The following PILRB variants were observed in gnomAD, a reference collection of about 807,000 sequenced individuals.
PILRB encodes the protein paired immunoglobin like type 2 receptor beta.
In PILRB, 21 loss-of-function variants were observed where a neutral mutation model predicts 20.5. That is an observed-to-expected ratio of 1.02 (90% CI 0.72 to 1.47). The LOEUF is 1.47. PILRB is among the 40% of genes most tolerant of loss of function. PILRB has a pLI of 0.00. For missense variants in PILRB, 253 were observed against 272.1 expected, an observed-to-expected ratio of 0.93 and a Z score of 0.49; for synonymous variants, 133 against 115.1, an observed-to-expected ratio of 1.16 and a Z score of -0.99.
chr7:100,364,175 C>T (rs543704972), intron 3 of PILRB, among the ~76,000 whole-genome samples: 1 of 151,654 alleles, frequency 6.6e-6, no homozygotes, highest in East Asian at 1.9e-4. Flanking sequence ...TAAACCCTCA[C>T]ATAGATAGTC....
At chr7:100,365,409 T>C (rs188811165) in intron 3 of PILRB, among the ~76,000 whole-genome samples, 3 of 152,340 alleles carry the variant, frequency 2.0e-5, no homozygotes, top group Non-Finnish European at 4.4e-5. Flanking sequence ...TACTGTCTGA[T>C]TCCACTTACA....
At chr7:100,359,284 C>G in intron 2 of PILRB, 53 bp from the exon 3 acceptor site, 1 of 1,589,432 alleles carries the variant, frequency 6.3e-7, no homozygotes, top group Non-Finnish European at 8.6e-7. Flanking sequence ...TGCCTTTCAT[C>G]CAGACGCCCC....
At chr7:100,363,294 A>G (rs1422698935) in intron 3 of PILRB, among the ~76,000 whole-genome samples, 1 of 152,192 alleles carries the variant, frequency 6.6e-6, no homozygotes, top group Admixed American at 6.5e-5. Context: ...ATTGCACAAA[A>G]TTACCTGTTG....
At chr7:100,358,464 C>T in intron 1 of PILRB, 98 bp downstream of exon 1, 1 of 1,451,604 alleles carries the variant, frequency 6.9e-7, no homozygotes, top group Non-Finnish European at 9.4e-7. Context: ...GGCCAGGCTC[C>T]CACCTCCAGC....
At chr7:100,363,087 A>G (rs1790577549) in intron 3 of PILRB, among the ~76,000 whole-genome samples, 2 of 146,784 alleles carry the variant, frequency 1.4e-5, no homozygotes, top group South Asian at 4.5e-4. Flanking sequence ...TGAGGCTATG[A>G]GTTTGAGACC....
intron 3 of PILRB, among the ~76,000 whole-genome samples, chr7:100,365,624 G>C (rs1446429259): frequency 1.3e-5 from 2 of 152,120 alleles, no homozygotes; most frequent in African/African-American, 4.8e-5. Flanking sequence ...TTCGAGCCCA[G>C]CCTGGCCAAC....
intron 3 of PILRB, among the ~76,000 whole-genome samples, chr7:100,363,656 T>G (rs946864793): frequency 5.9e-5 from 9 of 152,192 alleles, no homozygotes; most frequent in Non-Finnish European, 1.2e-4. Flanking sequence ...TGGCATTGTT[T>G]TTGCTCAAAC....
chr7:100,359,937 C>T (rs896024561), intron 3 of PILRB, among the ~76,000 whole-genome samples: 1 of 152,164 alleles, frequency 6.6e-6, no homozygotes, highest in Non-Finnish European at 1.5e-5. Flanking sequence ...GCAGGAGAAT[C>T]GCTTGAACCC....
Position 100,358,209 on chromosome 7 carries a change from AC to A in PILRB, c.-93del, listed in dbSNP as rs753393961. On this transcript the variant is annotated 5_prime_UTR_variant, in exon 1 of 4. Transcript: ENST00000609309. ...GGGGAGCCTCACCCTGGCTCTCCCC[AC>A]TCACCTCAGCCCTCAGGCAGCCCCT... The A allele has an allele frequency of 2.0e-6, 3 of 1,483,112 alleles. No individual in the cohort carries two copies. The East Asian group carries it at 6.8e-5, about 33-fold the overall frequency. The allele number at this position is 1,483,112 out of a possible 1,614,324, so 91.9% of individuals were successfully genotyped here.
intron 3 of PILRB, among the ~76,000 whole-genome samples, chr7:100,363,063 G>A (rs1584200133): frequency 1.3e-5 from 2 of 150,842 alleles, no homozygotes; most frequent in South Asian, 2.1e-4. Flanking sequence ...GGAAGTCGAG[G>A]CAGGTGGATT....
At chr7:100,363,200 A>G (rs1005301817) in intron 3 of PILRB, among the ~76,000 whole-genome samples, 1 of 152,144 alleles carries the variant, frequency 6.6e-6, no homozygotes. Flanking sequence ...GGCAAGGGAT[A>G]AAAAGGCATC....
At position 100,358,283 on chromosome 7, in the gene PILRB, C is replaced by T; in HGVS notation, c.-20C>T. 3 of 1,612,164 alleles carry T rather than the reference C, an allele frequency of 1.9e-6. No individual in the cohort carries two copies. The highest frequency in any genetic ancestry group is 2.5e-6 in the Non-Finnish European group (3 of 1,179,946). On this transcript the variant is annotated 5_prime_UTR_variant, in exon 1 of 4. Coordinates refer to ENST00000609309, the MANE Select transcript of PILRB (RefSeq NM_178238.4). ...GGACAGCTCTGCTGGTCTCCCCGTC[C>T]CCTGGAGAAGAACAAGGCCATGGGT...
chr7:100,359,222 TGA>T, intron 2 of PILRB, 113 bp from the exon 3 acceptor site: 10 of 1,501,890 alleles, frequency 6.7e-6, no homozygotes, highest in Non-Finnish European at 9.2e-6. Context: ...TCTGGGCTTC[TGA>T]GAGCAGCTTG....
chr7:100,358,632 C>G, intron 1 of PILRB, 58 bp from the exon 2 acceptor site: 1 of 1,586,214 alleles, frequency 6.3e-7, no homozygotes, highest in Admixed American at 1.7e-5. Flanking sequence ...GGGTCACCCT[C>G]TTTGTGTCCT....
rs1268044701 is a variant in PILRB at position 100,359,068 on chromosome 7, C to G, written c.443C>G (p.Thr148Ser). The G allele has an allele frequency of 1.2e-6, 2 of 1,614,098 alleles. No individual in the cohort carries two copies. Among genetic ancestry groups the G allele is most frequent in the East Asian group, 2.2e-5 (1 of 44,884 alleles). Residue 148 changes from threonine (T) to serine (S), a missense_variant, in exon 2 of 4, where the codon ACC becomes AGC. Coordinates refer to ENST00000609309, the MANE Select transcript of PILRB (RefSeq NM_178238.4). Reference sequence around the variant, plus strand: ...CAGTCCATCAAGGGGACCAAACTCACCATCACCCAGGGTGAGTCCAGCTGC... The same window carrying G: ...CAGTCCATCAAGGGGACCAAACTCAGCATCACCCAGGGTGAGTCCAGCTGC... ...QLQSIKGTKL[T>S]ITQAVTTTTT...
intron 3 of PILRB, among the ~76,000 whole-genome samples, chr7:100,363,468 A>T (rs1790589430): frequency 6.6e-6 from 1 of 152,336 alleles, no homozygotes; most frequent in East Asian, 1.9e-4. Context: ...GAATAAACCT[A>T]ACCAGGGAGG....
chr7:100,363,237 A>G (rs1224792694), intron 3 of PILRB, among the ~76,000 whole-genome samples: 2 of 152,112 alleles, frequency 1.3e-5, no homozygotes, highest in Non-Finnish European at 2.9e-5. Context: ...AAGCAAAATG[A>G]TCTCTGTTTG....
intron 3 of PILRB, among the ~76,000 whole-genome samples, chr7:100,363,615 A>G (rs1156388792): frequency 1.3e-5 from 2 of 152,232 alleles, no homozygotes; most frequent in Non-Finnish European, 2.9e-5. Flanking sequence ...AACAATCTCC[A>G]GATCCAATGC....
chr7:100,359,290 G>GC (rs770694276), intron 2 of PILRB, 47 bp from the exon 3 acceptor site: 1 of 1,595,306 alleles, frequency 6.3e-7, no homozygotes, highest in Non-Finnish European at 8.6e-7. Context: ...TCATCCAGAC[G>GC]CCCCACACCC....
Sources: allele counts gnomAD v4.1 joint callset (sites outside exome capture counted in the v4.1 genomes callset), GRCh38; gene constraint gnomAD v4.1.1; transcripts MANE v1.5; gene names NCBI Gene and HGNC (gene_info 2026-07-23, HGNC 2026-07-21).